Variants in DMD observed in about 807,000 individuals in gnomAD.
DMD encodes the protein dystrophin.
A neutral mutation model predicts 330.1 loss-of-function variants in DMD; 63 were observed. That is an observed-to-expected ratio of 0.19 (90% CI 0.16 to 0.24). The LOEUF is 0.24. Ranked by LOEUF, DMD falls within the 10% of genes least tolerant of loss-of-function variation. The probability of loss-of-function intolerance (pLI) is 1.00; values close to 1 mark genes in which losing one functional copy is unlikely to be tolerated. For missense variants in DMD, 3,344 were observed against 2,684.1 expected (o/e 1.25, Z -5.43); for synonymous variants, 1,223 against 959.8 (o/e 1.27, Z -5.07).
chrX:32,050,325 GT>G (rs2096099369), intron 44 of DMD, among the ~76,000 whole-genome samples: 1 of 111,185 alleles, frequency 9.0e-6, no homozygotes, highest in Non-Finnish European at 1.9e-5. Context: ...CTTTTAGGAA[GT>G]GTTGTGCTTA....
chrX:32,251,424 T>C (rs1290159012), intron 43 of DMD, among the ~76,000 whole-genome samples: 1 of 111,423 alleles, frequency 9.0e-6, no homozygotes, highest in Non-Finnish European at 1.9e-5. Context: ...CTGCCCCTTC[T>C]TTTCTGTTCT....
intron 47 of DMD, among the ~76,000 whole-genome samples, chrX:31,893,835 C>T (rs753599152): frequency 1.6e-4 from 18 of 111,450 alleles, no homozygotes; most frequent in African/African-American, 4.6e-4. Context: ...TTATAGAATC[C>T]GAGGGCCTTC....
intron 2 of DMD, among the ~76,000 whole-genome samples, chrX:32,897,851 T>C (rs988221237): frequency 1.1e-5 from 1 of 95,065 alleles, no homozygotes; most frequent in African/African-American, 3.6e-5. Context: ...TTCTCCACTT[T>C]CCGCAGCAAA....
intron 18 of DMD, among the ~76,000 whole-genome samples, chrX:32,503,682 A>T (rs1313811303): frequency 9.1e-6 from 1 of 110,307 alleles, no homozygotes. Context: ...CAGCCTCCCG[A>T]GTAGCCGGGA....
At chrX:31,857,130 G>A (rs1332504819) in intron 48 of DMD, among the ~76,000 whole-genome samples, 1 of 110,581 alleles carries the variant, frequency 9.0e-6, no homozygotes, top group Non-Finnish European at 1.9e-5. Flanking sequence ...TGTAATCCCA[G>A]CACTTTCGGA....
chrX:32,811,202 A>T (rs1046646412), intron 6 of DMD, among the ~76,000 whole-genome samples: 4 of 107,198 alleles, frequency 3.7e-5, no homozygotes, highest in Non-Finnish European at 5.8e-5. Context: ...AAAAATAGCC[A>T]AGTGTGCTGG....
chrX:32,638,594 C>G (rs984862874), intron 11 of DMD, among the ~76,000 whole-genome samples: 4 of 111,842 alleles, frequency 3.6e-5, no homozygotes, highest in Non-Finnish European at 5.6e-5. Flanking sequence ...GTTACTATTG[C>G]TTAACATTAC....
intron 41 of DMD, among the ~76,000 whole-genome samples, chrX:32,318,843 T>A (rs753306653): frequency 1.8e-5 from 2 of 111,629 alleles, no homozygotes; most frequent in African/African-American, 3.3e-5. Context: ...GAAAAAGATA[T>A]GCAGATGATG....
rs36164865 is a variant in DMD at position 31,778,565 on chromosome X, A to ATTTTTTTTT, written c.7310-4382_7310-4374dup. ...AGGACAGAAGTTTTGAAGTCCTGAA[A>ATTTTTTTTT]TTTTTTTTTTTTTTTTTTTTTTTTG... On this transcript the variant is annotated intron_variant, in intron 50 of 78. Coordinates refer to ENST00000357033, the MANE Select transcript of DMD (RefSeq NM_004006.3). Among the ~76,000 whole-genome samples the ATTTTTTTTT allele has an allele frequency of 5.6e-4, 35 of 63,045 alleles. 3 individuals carry two copies. The East Asian group carries it at 0.014, about 26-fold the overall frequency. 54.7% of individuals were successfully genotyped at this position (63,045 alleles called of 115,157 possible).
intron 9 of DMD, among the ~76,000 whole-genome samples, chrX:32,661,933 C>A (rs1252476648): frequency 9.0e-6 from 1 of 110,933 alleles, no homozygotes. Flanking sequence ...ATAATCATAC[C>A]CGAAACCTGT....
At position 32,706,679 on chromosome X, in the gene DMD, A is replaced by G. The variant is rs142562273; in HGVS notation, c.650-7386T>C. Among the ~76,000 whole-genome samples the G allele has an allele frequency of 3.5e-3, 396 of 112,638 alleles. 3 individuals are homozygous for G. Among genetic ancestry groups the G allele is most frequent in the African/African-American group, 0.012 (365 of 31,076 alleles). Reference sequence around the variant, plus strand: ...AATCAGATGCTTTTAGAAGACTGATACACTGAAAACTATTTGAGCGTTCTG... The same window carrying G: ...AATCAGATGCTTTTAGAAGACTGATGCACTGAAAACTATTTGAGCGTTCTG... On this transcript the variant is annotated intron_variant, in intron 7 of 78. Coordinates refer to ENST00000357033, the MANE Select transcript of DMD (RefSeq NM_004006.3).
intron 1 of DMD, among the ~76,000 whole-genome samples, chrX:33,152,521 C>T (rs1434230377): frequency 9.2e-6 from 1 of 108,214 alleles, no homozygotes; most frequent in East Asian, 2.8e-4. Context: ...TTGAGAGCCA[C>T]ACACGGAGTT....
chrX:31,549,527 C>G (rs57260883), intron 55 of DMD, among the ~76,000 whole-genome samples: 1 of 111,806 alleles, frequency 8.9e-6, no homozygotes, highest in Non-Finnish European at 1.9e-5. Context: ...CTAGGTTTCC[C>G]AAATGGAATT....
intron 1 of DMD, among the ~76,000 whole-genome samples, chrX:33,333,832 T>G (rs955203655): frequency 9.0e-6 from 1 of 111,567 alleles, no homozygotes; most frequent in Non-Finnish European, 1.9e-5. Context: ...TCTTTTATAG[T>G]GCAGTGCATT....
intron 1 of DMD, among the ~76,000 whole-genome samples, chrX:33,286,102 G>C (rs887589888): frequency 9.0e-6 from 1 of 111,350 alleles, no homozygotes; most frequent in Non-Finnish European, 1.9e-5. Context: ...CAAGAAGCTT[G>C]AGAGCATATT....
chrX:32,415,998 A>G (rs1444841450), intron 29 of DMD, among the ~76,000 whole-genome samples: 4 of 112,178 alleles, frequency 3.6e-5, no homozygotes, highest in Non-Finnish European at 7.5e-5. Context: ...AGTTTCTCAC[A>G]TTTCCATTTT....
intron 1 of DMD, among the ~76,000 whole-genome samples, chrX:33,036,104 C>T (rs6631721): frequency 0.071 from 7,901 of 110,590 alleles, 702 homozygotes; most frequent in African/African-American, 0.25. Flanking sequence ...TAGTATGATG[C>T]TTTAGGATAA....
chrX:33,264,325 T>C (rs564659979), intron 1 of DMD, among the ~76,000 whole-genome samples: 9 of 111,574 alleles, frequency 8.1e-5, no homozygotes, highest in African/African-American at 2.3e-4. Context: ...AAGATGGTGC[T>C]AGAATGACTC....
rs1044523595 is a variant in DMD, at chrX:32,657,744, A to C, written c.961-12592T>G. On this transcript the variant is annotated intron_variant, in intron 9 of 78. Coordinates refer to ENST00000357033, the MANE Select transcript of DMD (RefSeq NM_004006.3). ...AAAAGTACTAAATTTAATTTAAAAT[A>C]GGATAGTTACAAAATGTCTCAGAAG... Among the ~76,000 whole-genome samples, 90 of 112,230 alleles carry C rather than the reference A, an allele frequency of 8.0e-4. 1 individual carries two copies. The highest frequency in any genetic ancestry group is 2.7e-3 in the African/African-American group (84 of 30,944).
Sources: allele counts gnomAD v4.1 joint callset (sites outside exome capture counted in the v4.1 genomes callset), GRCh38; gene constraint gnomAD v4.1.1; transcripts MANE v1.5; gene names NCBI Gene and HGNC (gene_info 2026-07-23, HGNC 2026-07-21).